OPCML: variants seen among roughly 807,000 people sequenced by gnomAD.
OPCML encodes the protein opioid-binding protein/cell adhesion molecule.
A neutral mutation model predicts 37.8 loss-of-function variants in OPCML; 13 were observed. The observed-to-expected ratio is 0.34, with a 90% CI of 0.22 to 0.55. The LOEUF (loss-of-function observed/expected upper bound fraction) is 0.55. Ranked by LOEUF, OPCML falls within the 20% of genes least tolerant of loss-of-function variation. The probability of loss-of-function intolerance (pLI) is 0.91; values close to 1 mark genes in which losing one functional copy is unlikely to be tolerated. For synonymous variants in OPCML, 176 were observed against 168.8 expected (o/e 1.04, Z -0.33); for missense variants, 341 against 435.6 (o/e 0.78, Z 1.93).
At chr11:133,389,311 C>T (rs1305579433) in intron 1 of OPCML, among the ~76,000 whole-genome samples, 4 of 152,186 alleles carry the variant, frequency 2.6e-5, no homozygotes, top group Admixed American at 6.5e-5. Flanking sequence ...ATTGTTGAAA[C>T]CTTCTCAAGG....
intron 1 of OPCML, among the ~76,000 whole-genome samples, chr11:133,483,750 A>C (rs1947443764): frequency 6.7e-6 from 1 of 150,008 alleles, no homozygotes; most frequent in East Asian, 2.0e-4. Flanking sequence ...AGATTCATAG[A>C]TTCATAGAGA....
intron 7 of OPCML, among the ~76,000 whole-genome samples, chr11:132,423,248 C>A (rs547312980): frequency 6.6e-6 from 1 of 152,202 alleles, no homozygotes; most frequent in Admixed American, 6.5e-5. Flanking sequence ...TATTCTTCAG[C>A]AGCTATGATG....
intron 1 of OPCML, among the ~76,000 whole-genome samples, chr11:133,289,270 G>GT (rs1211768639): frequency 1.3e-5 from 2 of 152,144 alleles, no homozygotes; most frequent in African/African-American, 4.8e-5. Context: ...TCTCCTTCAT[G>GT]TTTTGATAGC....
chr11:132,672,255 A>T (rs1942509604), intron 2 of OPCML, among the ~76,000 whole-genome samples: 1 of 152,172 alleles, frequency 6.6e-6, no homozygotes, highest in Non-Finnish European at 1.5e-5. Flanking sequence ...GCCCTCGGGG[A>T]TTGCAGCAGA....
intron 1 of OPCML, among the ~76,000 whole-genome samples, chr11:133,495,213 G>A (rs542680185): frequency 5.9e-5 from 9 of 152,256 alleles, no homozygotes; most frequent in African/African-American, 1.9e-4. Context: ...GTCTCATTCA[G>A]GTCACTGCAA....
chr11:132,743,963 C>G (rs868582322), intron 2 of OPCML, among the ~76,000 whole-genome samples: 1 of 152,168 alleles, frequency 6.6e-6, no homozygotes, highest in Non-Finnish European at 1.5e-5. Context: ...GGACAGTGGA[C>G]CTTATACATA....
chr11:132,727,788 G>C (rs1944937529), intron 2 of OPCML, among the ~76,000 whole-genome samples: 3 of 152,192 alleles, frequency 2.0e-5, no homozygotes, highest in African/African-American at 7.2e-5. Context: ...ATTATCTCCT[G>C]AGGAGGATTA....
At position 132,735,726 on chromosome 11, in the gene OPCML, G is replaced by A. The variant is rs149252939; in HGVS notation, c.147-78407C>T. Among the ~76,000 whole-genome samples, 275 of 152,090 alleles carry A rather than the reference G, an allele frequency of 1.8e-3. 2 individuals carry two copies. The East Asian group carries it at 0.048, about 26-fold the overall frequency. ...TCTCGATCTCCTGACCTTGTGATCC[G>A]CCTGCCTCGGCCTCCCAAAGTGCTG... On this transcript the variant is annotated intron_variant, in intron 2 of 7. Coordinates refer to ENST00000524381, the MANE Select transcript of OPCML (RefSeq NM_001012393.5).
chr11:133,180,266 C>G (rs1448001492), intron 1 of OPCML, among the ~76,000 whole-genome samples: 1 of 152,124 alleles, frequency 6.6e-6, no homozygotes, highest in Non-Finnish European at 1.5e-5. Context: ...TTCAGACCTG[C>G]CCAGACCTGG....
At chr11:133,170,416 G>A (rs1470205480) in intron 1 of OPCML, among the ~76,000 whole-genome samples, 3 of 152,312 alleles carry the variant, frequency 2.0e-5, no homozygotes, top group African/African-American at 4.8e-5. Context: ...AACCCAGGAG[G>A]CAGAGCTTGC....
intron 1 of OPCML, among the ~76,000 whole-genome samples, chr11:133,398,399 C>G (rs780373162): frequency 4.6e-5 from 7 of 152,184 alleles, no homozygotes; most frequent in Non-Finnish European, 7.3e-5. Context: ...ACACTCCTCC[C>G]AGGCAGTCAG....
At chr11:132,621,655 C>A (rs192364048) in intron 3 of OPCML, among the ~76,000 whole-genome samples, 16 of 152,264 alleles carry the variant, frequency 1.1e-4, no homozygotes, top group African/African-American at 3.9e-4. Context: ...GCTTCTGGAA[C>A]AATGCAATGT....
intron 2 of OPCML, among the ~76,000 whole-genome samples, chr11:132,801,411 A>G (rs1366138330): frequency 6.6e-6 from 1 of 152,210 alleles, no homozygotes; most frequent in Non-Finnish European, 1.5e-5. Context: ...AAGATCCTAC[A>G]GACTCATGCC....
intron 2 of OPCML, among the ~76,000 whole-genome samples, chr11:132,784,278 T>A (rs1947130061): frequency 6.6e-6 from 1 of 152,142 alleles, no homozygotes; most frequent in South Asian, 2.1e-4. Context: ...CTAACTTCCC[T>A]AAATTTTGGA....
intron 2 of OPCML, among the ~76,000 whole-genome samples, chr11:132,662,362 A>C (rs901779358): frequency 6.6e-6 from 1 of 151,496 alleles, no homozygotes; most frequent in South Asian, 2.1e-4. Flanking sequence ...AATTGGCTTT[A>C]ACTTTTTTGT....
At chr11:133,306,031 A>G (rs966698440) in intron 1 of OPCML, among the ~76,000 whole-genome samples, 36 of 152,328 alleles carry the variant, frequency 2.4e-4, no homozygotes, top group African/African-American at 7.9e-4. Context: ...TGAAAAGGTG[A>G]TTTAAGGTAT....
At chr11:132,969,872 T>C (rs1192623986) in intron 1 of OPCML, among the ~76,000 whole-genome samples, 1 of 152,230 alleles carries the variant, frequency 6.6e-6, no homozygotes, top group Non-Finnish European at 1.5e-5. Context: ...TAAATATATT[T>C]ATTATGTCTG....
At chr11:133,217,208 G>A (rs1187171709) in intron 1 of OPCML, among the ~76,000 whole-genome samples, 1 of 152,124 alleles carries the variant, frequency 6.6e-6, no homozygotes, top group African/African-American at 2.4e-5. Flanking sequence ...ACCTTCAGAA[G>A]CCTCTCTTGG....
intron 2 of OPCML, among the ~76,000 whole-genome samples, chr11:132,852,521 C>T (rs1430337647): frequency 6.6e-6 from 1 of 151,938 alleles, no homozygotes; most frequent in African/African-American, 2.4e-5. Flanking sequence ...GTGGGTGGAA[C>T]TTCTGGCAAC....
Sources: gnomAD v4.1 joint callset for allele counts (sites outside exome capture counted in the v4.1 genomes callset) on GRCh38, gnomAD v4.1.1 for gene constraint, MANE v1.5 for transcripts, NCBI Gene and HGNC (gene_info 2026-07-23, HGNC 2026-07-21) for gene names.